Variants in WWOX observed in about 807,000 individuals in gnomAD.
WWOX encodes WW domain-containing oxidoreductase.
Under a neutral mutation model 46.2 loss-of-function variants are expected in WWOX, and 69 were observed. The observed-to-expected ratio is 1.49, with a 90% CI of 1.23 to 1.82. The LOEUF is 1.82. Among genes scored for constraint, WWOX ranks in the 40% most tolerant of loss-of-function variants. The pLI, the probability that WWOX is intolerant of heterozygous loss-of-function variation, is 0.00. For missense variants in WWOX, 919 were observed against 542.6 expected (o/e 1.69, Z -6.89); for synonymous variants, 359 against 202.6 (o/e 1.77, Z -6.56).
chr16:78,966,420 T>C lies in WWOX; in HGVS notation c.1057-245188T>C, dbSNP rs2046363910. Among the ~76,000 whole-genome samples, 3 of 152,190 alleles carry C rather than the reference T, an allele frequency of 2.0e-5. No individual in the cohort carries two copies. The South Asian group carries it at 6.2e-4, about 32-fold the overall frequency. On this transcript the variant is annotated intron_variant, in intron 8 of 8. Transcript: ENST00000566780. The stretch of plus-strand genomic sequence containing the variant: ...GAAGTTTTGGTTCTGCTTTTGACCT[T>C]AACACTAAAATACCCTTCCACAATA...
chr16:79,040,818 G>C (rs2151409929), intron 8 of WWOX, among the ~76,000 whole-genome samples: 1 of 152,118 alleles, frequency 6.6e-6, no homozygotes, highest in Non-Finnish European at 1.5e-5. Flanking sequence ...AGCTCGGGGA[G>C]GAGCAAGGTT....
At chr16:78,421,873 A>G (rs892027756) in intron 6 of WWOX, among the ~76,000 whole-genome samples, 5 of 152,282 alleles carry the variant, frequency 3.3e-5, no homozygotes, top group Middle Eastern at 3.4e-3. Flanking sequence ...TATTGCTTGG[A>G]AACAGGATTA....
At chr16:78,418,470 T>G (rs911765065) in intron 6 of WWOX, among the ~76,000 whole-genome samples, 1 of 151,970 alleles carries the variant, frequency 6.6e-6, no homozygotes, top group Admixed American at 6.6e-5. Context: ...CCACTATTAC[T>G]CTGACAACAG....
intron 8 of WWOX, among the ~76,000 whole-genome samples, chr16:78,679,343 G>C (rs1306731194): frequency 6.6e-6 from 1 of 152,180 alleles, no homozygotes; most frequent in Non-Finnish European, 1.5e-5. Context: ...CTGAGGTCAG[G>C]AGTTCGAGAC....
chr16:78,626,681 C>T (rs938671933), intron 8 of WWOX, among the ~76,000 whole-genome samples: 1 of 152,048 alleles, frequency 6.6e-6, no homozygotes. Context: ...GTTGCTGTGC[C>T]CAGCTCATGC....
intron 8 of WWOX, among the ~76,000 whole-genome samples, chr16:78,918,828 C>A (rs1199780147): frequency 6.6e-6 from 1 of 152,148 alleles, no homozygotes; most frequent in Non-Finnish European, 1.5e-5. Flanking sequence ...TTCTCTCTTT[C>A]CTTTGCGGGG....
intron 8 of WWOX, among the ~76,000 whole-genome samples, chr16:79,160,910 AT>A (rs1433139130): frequency 6.6e-6 from 1 of 152,170 alleles, no homozygotes; most frequent in African/African-American, 2.4e-5. Context: ...CATACAATAC[AT>A]ATATTCTGAT....
chr16:78,738,057 C>T (rs947662719), intron 8 of WWOX, among the ~76,000 whole-genome samples: 1 of 152,168 alleles, frequency 6.6e-6, no homozygotes, highest in Non-Finnish European at 1.5e-5. Flanking sequence ...TCAAGGTGGG[C>T]TCCTAAGTGG....
At chr16:78,312,877 C>T (rs1340616557) in intron 5 of WWOX, among the ~76,000 whole-genome samples, 1 of 152,172 alleles carries the variant, frequency 6.6e-6, no homozygotes, top group Non-Finnish European at 1.5e-5. Context: ...GCACGCAGGG[C>T]CTCACTTCCC....
At chr16:78,920,550 C>T (rs2045355242) in intron 8 of WWOX, among the ~76,000 whole-genome samples, 1 of 152,114 alleles carries the variant, frequency 6.6e-6, no homozygotes, top group Non-Finnish European at 1.5e-5. Flanking sequence ...TTATTGTTTC[C>T]AAGTTCCCTG....
rs1433729424 is a variant in WWOX, at chr16:78,152,902, A to G, written c.410-11281A>G. On this transcript the variant is annotated intron_variant, in intron 4 of 8. Transcript: ENST00000566780. ...CCCGTTTCCCACTTCTTGAGTTGGT[A>G]TGTTTTTTGATTAATATATTTGAGA... Among the ~76,000 whole-genome samples the G allele has an allele frequency of 1.4e-4, 8 of 57,976 alleles. No homozygotes were observed. The Admixed American group carries it at 1.7e-3, about 12-fold the overall frequency. 38.0% of individuals were successfully genotyped at this position (57,976 alleles called of 152,430 possible).
intron 8 of WWOX, among the ~76,000 whole-genome samples, chr16:78,454,568 C>T (rs1389890246): frequency 1.3e-5 from 2 of 152,124 alleles, no homozygotes; most frequent in Admixed American, 6.5e-5. Context: ...TGCAATGGCA[C>T]GATCTCTGCT....
intron 8 of WWOX, among the ~76,000 whole-genome samples, chr16:78,793,150 G>T (rs1169522812): frequency 6.6e-6 from 1 of 152,124 alleles, no homozygotes; most frequent in East Asian, 1.9e-4. Context: ...TCAGGTCACT[G>T]CAACTGCTGT....
chr16:78,452,391 G>C (rs991969918), intron 8 of WWOX, among the ~76,000 whole-genome samples: 1 of 151,400 alleles, frequency 6.6e-6, no homozygotes, highest in Non-Finnish European at 1.5e-5. Flanking sequence ...CTTTTAATTA[G>C]ATATGTTTGT....
At chr16:78,616,180 G>A (rs1421427880) in intron 8 of WWOX, among the ~76,000 whole-genome samples, 3 of 151,686 alleles carry the variant, frequency 2.0e-5, no homozygotes, top group Middle Eastern at 3.2e-3. Context: ...CCATGTGTAT[G>A]CATTCCCACG....
intron 4 of WWOX, among the ~76,000 whole-genome samples, chr16:78,146,446 C>G (rs144484329): frequency 6.6e-5 from 10 of 152,226 alleles, no homozygotes; most frequent in East Asian, 3.9e-4. Flanking sequence ...TTATAGCTGT[C>G]GAGTCTCCAG....
intron 8 of WWOX, among the ~76,000 whole-genome samples, chr16:78,770,666 C>A (rs111790836): frequency 4.0e-5 from 6 of 151,534 alleles, no homozygotes; most frequent in Admixed American, 6.6e-5. Flanking sequence ...CCCCCTCCCC[C>A]CCTCCCCGAA....
At chr16:78,694,075 T>C (rs2048048175) in intron 8 of WWOX, among the ~76,000 whole-genome samples, 1 of 151,974 alleles carries the variant, frequency 6.6e-6, no homozygotes, top group Admixed American at 6.6e-5. Context: ...CTACTAAAAA[T>C]ATAAAAATTA....
chr16:78,718,351 A>G (rs917759059), intron 8 of WWOX, among the ~76,000 whole-genome samples: 1 of 152,146 alleles, frequency 6.6e-6, no homozygotes, highest in Non-Finnish European at 1.5e-5. Context: ...AAAAATTTAA[A>G]AAAACGACTA....
Sources: allele counts gnomAD v4.1 joint callset (sites outside exome capture counted in the v4.1 genomes callset), GRCh38; gene constraint gnomAD v4.1.1; transcripts MANE v1.5; gene names NCBI Gene and HGNC (gene_info 2026-07-23, HGNC 2026-07-21).